The following CRIM1 variants were observed in gnomAD, a reference collection of about 807,000 sequenced individuals.
The protein encoded by CRIM1 is cysteine rich transmembrane BMP regulator 1.
A neutral mutation model predicts 116.4 loss-of-function variants in CRIM1; 32 were observed. The observed-to-expected ratio is 0.27, with a 90% confidence interval of 0.21 to 0.37. CRIM1 has a LOEUF of 0.37. CRIM1 is among the 10% of genes least tolerant of loss of function. The pLI is 1.00. For synonymous variants in CRIM1, 590 were observed against 509.2 expected, an observed-to-expected ratio of 1.16 and a Z score of -2.13; for missense variants, 1,331 against 1,354.8, an observed-to-expected ratio of 0.98 and a Z score of 0.28.
At chr2:36,439,418 CT>C (rs1675596206) in intron 2 of CRIM1, among the ~76,000 whole-genome samples, 3 of 152,174 alleles carry the variant, frequency 2.0e-5, no homozygotes. Context: ...TATTCTCTTC[CT>C]CTTTCTATAT....
chr2:36,544,945 A>AAACTT (rs1239619150), intron 15 of CRIM1, among the ~76,000 whole-genome samples: 1 of 152,212 alleles, frequency 6.6e-6, no homozygotes, highest in East Asian at 1.9e-4. Flanking sequence ...CATGTGAGCT[A>AAACTT]AACTTATCAC....
chr2:36,525,016 C>T (rs1453741957), intron 13 of CRIM1, among the ~76,000 whole-genome samples: 1 of 152,138 alleles, frequency 6.6e-6, no homozygotes, highest in East Asian at 1.9e-4. Flanking sequence ...CTGTCTCCCT[C>T]CACAACTTCC....
At position 36,441,348 on chromosome 2, in the gene CRIM1, C is replaced by T. The variant is rs749060734; in HGVS notation, c.596C>T (p.Pro199Leu). The change falls in exon 3 of 17, where the codon CCT (proline) becomes CTT (leucine). Residue 199 changes from proline to leucine, a missense_variant. Physicochemically the swap from Pro to Leu is moderately conservative, Grantham distance 98 (BLOSUM62 -3). Transcript: ENST00000280527. The part of the protein sequence containing the change: ...EDSVLIEGYA[P>L]PGECCPLPSR... ...TCTGTTCTGATCGAGGGTTATGCTC[C>T]TCCTGGGGAGTGCTGTCCCTTACCC... The T allele has an allele frequency of 2.5e-6, 4 of 1,614,208 alleles. No individual in the cohort carries two copies. Among genetic ancestry groups the T allele is most frequent in the Non-Finnish European group, 3.4e-6 (4 of 1,180,030 alleles).
At chr2:36,530,566 G>A (rs1268295688) in intron 13 of CRIM1, among the ~76,000 whole-genome samples, 1 of 152,148 alleles carries the variant, frequency 6.6e-6, no homozygotes, top group African/African-American at 2.4e-5. Flanking sequence ...TTATTCCTTT[G>A]TGGCTTAGAG....
chr2:36,371,882 C>T (rs368920009), intron 1 of CRIM1, among the ~76,000 whole-genome samples: 3 of 152,128 alleles, frequency 2.0e-5, no homozygotes, highest in African/African-American at 4.8e-5. Flanking sequence ...ACTGATAAAT[C>T]GGTTATAAAT....
intron 4 of CRIM1, among the ~76,000 whole-genome samples, chr2:36,458,757 C>T (rs1289945805): frequency 2.0e-5 from 3 of 152,030 alleles, no homozygotes; most frequent in Non-Finnish European, 1.5e-5. Context: ...GGTCAGTTTG[C>T]AGCAGTGACG....
chr2:36,384,408 C>T (rs1671021313), intron 1 of CRIM1, among the ~76,000 whole-genome samples: 1 of 152,160 alleles, frequency 6.6e-6, no homozygotes, highest in Non-Finnish European at 1.5e-5. Context: ...ACGGCTTGTG[C>T]TGTCATCTCT....
rs757478626 is a variant in CRIM1 at position 36,476,925 on chromosome 2, A to G, written c.1028A>G (p.Tyr343Cys). ...KPACVFNNVE[Y>C]YDGDMFRMDN... ...GCCTGCGTATTTAACAATGTGGAATATTATGATGGAGACATGTTTCGAATG... is the reference window on the plus strand; with the variant it reads ...GCCTGCGTATTTAACAATGTGGAATGTTATGATGGAGACATGTTTCGAATG... The change falls in exon 6 of 17, where the codon TAT becomes TGT. Residue 343 changes from tyrosine (Y) to cysteine (C), a missense_variant. Physicochemically the swap from Tyr to Cys is radical, Grantham distance 194 (BLOSUM62 -2). Coordinates refer to ENST00000280527, the MANE Select transcript of CRIM1 (RefSeq NM_016441.3). 6.2e-7 allele frequency: 1 copy of G among 1,614,078 alleles called. No homozygotes were observed. The highest frequency in any genetic ancestry group is 8.5e-7 in the Non-Finnish European group (1 of 1,179,978).
chr2:36,365,280 G>C (rs1669514844), intron 1 of CRIM1, among the ~76,000 whole-genome samples: 2 of 152,162 alleles, frequency 1.3e-5, no homozygotes, highest in African/African-American at 2.4e-5. Flanking sequence ...TTTAAAAATG[G>C]CCTTTTAATA....
At chr2:36,475,306 A>C (rs1558345253) in intron 5 of CRIM1, among the ~76,000 whole-genome samples, 1 of 152,184 alleles carries the variant, frequency 6.6e-6, no homozygotes, top group Non-Finnish European at 1.5e-5. Context: ...GTTTGTACTT[A>C]TGTTATTACA....
chr2:36,513,517 G>A, intron 10 of CRIM1, 39 bp from the exon 11 acceptor site: 11 of 1,556,630 alleles, frequency 7.1e-6, no homozygotes, highest in Non-Finnish European at 9.8e-6. Context: ...CTCCTGTGCA[G>A]TAGCCACTTC....
At chr2:36,544,000 A>C (rs1041286504) in intron 14 of CRIM1, among the ~76,000 whole-genome samples, 2 of 152,094 alleles carry the variant, frequency 1.3e-5, no homozygotes, top group African/African-American at 2.4e-5. Flanking sequence ...GTTATTCAAT[A>C]CCCCCATATT....
chr2:36,409,628 A>C (rs1673064843), intron 2 of CRIM1, among the ~76,000 whole-genome samples: 3 of 152,318 alleles, frequency 2.0e-5, no homozygotes, highest in Non-Finnish European at 4.4e-5. Flanking sequence ...CCCAGTCTGA[A>C]TAGTGTTATG....
At chr2:36,396,878 G>C (rs181484126) in intron 2 of CRIM1, 91 bp downstream of exon 2, 2 of 1,138,808 alleles carry the variant, frequency 1.8e-6, no homozygotes, top group East Asian at 2.4e-5. Flanking sequence ...AAAAGGCAAA[G>C]ACAAGTTTAC....
intron 5 of CRIM1, among the ~76,000 whole-genome samples, chr2:36,468,672 C>G (rs906699730): frequency 3.9e-5 from 6 of 152,214 alleles, no homozygotes; most frequent in African/African-American, 1.4e-4. Flanking sequence ...TGCCCACAAA[C>G]AAATGTCCCA....
At chr2:36,461,399 A>G (rs1379210670) in intron 4 of CRIM1, among the ~76,000 whole-genome samples, 2 of 152,228 alleles carry the variant, frequency 1.3e-5, no homozygotes, top group Non-Finnish European at 2.9e-5. Flanking sequence ...AATTAAAATG[A>G]AGAGAAAGAA....
chr2:36,441,495 A>C lies in CRIM1; in HGVS notation c.743A>C (p.Lys248Thr), dbSNP rs774686267. Residue 248 changes from lysine (K) to threonine (T), a missense_variant, in exon 3 of 17, where the codon AAA becomes ACA. Physicochemically the swap from Lys to Thr is moderately conservative, Grantham distance 78 (BLOSUM62 -1). This residue lies in a region of CRIM1 where 690 missense variants were observed against 676.0 expected (regional missense o/e 1.02). Transcript: ENST00000280527. ...PGECCDLYEC[K>T]PVFGVDCRTV... ...GAGTGCTGTGACCTCTATGAGTGCA[A>C]ACCAGGTATGCACGAGCTCTGTCTC... 4.0e-5 allele frequency: 64 copies of C among 1,609,792 alleles called. No homozygotes were observed. The highest frequency in any genetic ancestry group is 5.1e-5 in the Non-Finnish European group (60 of 1,179,976).
At chr2:36,462,959 A>G (rs908907111) in intron 4 of CRIM1, among the ~76,000 whole-genome samples, 1 of 152,214 alleles carries the variant, frequency 6.6e-6, no homozygotes, top group Non-Finnish European at 1.5e-5. Context: ...TCCTGCAGGA[A>G]TATAGCGTAT....
intron 1 of CRIM1, among the ~76,000 whole-genome samples, chr2:36,381,400 C>T (rs865871870): frequency 3.9e-5 from 6 of 152,170 alleles, no homozygotes; most frequent in East Asian, 3.9e-4. Flanking sequence ...CCTGTGGCCC[C>T]GGGGCCTCTG....
Sources: allele counts gnomAD v4.1 joint callset (sites outside exome capture counted in the v4.1 genomes callset), GRCh38; gene constraint gnomAD v4.1.1; regional missense constraint gnomAD v4.1.1; transcripts MANE v1.5; gene names NCBI Gene and HGNC (gene_info 2026-07-23, HGNC 2026-07-21).